VPS54: variants seen among roughly 807,000 people sequenced by gnomAD.
The protein encoded by VPS54 is VPS54 subunit of GARP complex.
A neutral mutation model predicts 121.5 loss-of-function variants in VPS54; 45 were observed. The ratio of observed to expected loss-of-function variants is 0.37; its 90% CI spans 0.29 to 0.47. The LOEUF is 0.47. VPS54 is among the 20% of genes least tolerant of loss of function. The probability of loss-of-function intolerance (pLI) is 0.99; values close to 1 mark genes in which losing one functional copy is unlikely to be tolerated. For missense variants in VPS54, 1,090 were observed against 1,131.4 expected, an observed-to-expected ratio of 0.96 and a Z score of 0.52; for synonymous variants, 371 against 385.8, an observed-to-expected ratio of 0.96 and a Z score of 0.45.
intron 1 of VPS54, among the ~76,000 whole-genome samples, chr2:64,018,723 C>G (rs1319558463): frequency 6.8e-6 from 1 of 147,866 alleles, no homozygotes; most frequent in African/African-American, 2.5e-5. Context: ...CTGCCAGCCC[C>G]GATCCCGGAG....
intron 7 of VPS54, among the ~76,000 whole-genome samples, chr2:63,959,028 G>A (rs957225015): frequency 1.3e-5 from 2 of 152,128 alleles, no homozygotes; most frequent in African/African-American, 4.8e-5. Flanking sequence ...ATAACCTAAT[G>A]CTTATGTTAC....
intron 6 of VPS54, among the ~76,000 whole-genome samples, chr2:63,964,550 C>G (rs1057074256): frequency 6.6e-6 from 1 of 152,138 alleles, no homozygotes; most frequent in African/African-American, 2.4e-5. Context: ...ATGAGCAAGC[C>G]TGTGTCTCTA....
intron 4 of VPS54, among the ~76,000 whole-genome samples, chr2:63,970,962 A>G (rs771379813): frequency 2.0e-5 from 3 of 152,156 alleles, no homozygotes; most frequent in Non-Finnish European, 4.4e-5. Flanking sequence ...CCTGAGCTCC[A>G]GGTTGCCAAA....
intron 6 of VPS54, among the ~76,000 whole-genome samples, chr2:63,963,050 T>C (rs1000521094): frequency 6.6e-6 from 1 of 152,152 alleles, no homozygotes; most frequent in Non-Finnish European, 1.5e-5. Context: ...GTTTCTATTA[T>C]ACCATTCTGC....
At chr2:63,996,686 G>A (rs755772556) in intron 1 of VPS54, among the ~76,000 whole-genome samples, 9 of 152,160 alleles carry the variant, frequency 5.9e-5, no homozygotes, top group East Asian at 1.9e-4. Flanking sequence ...ATTCCCGGCC[G>A]GGGAGGGGGG....
intron 22 of VPS54, 32 bp from the exon 23 acceptor site, chr2:63,893,567 T>C: frequency 6.4e-7 from 1 of 1,563,010 alleles, no homozygotes; most frequent in Non-Finnish European, 8.8e-7. Flanking sequence ...ATTTTTTAAA[T>C]CTCAAACTTT....
chr2:63,966,873 T>C (rs1676026223), intron 5 of VPS54, among the ~76,000 whole-genome samples: 2 of 152,254 alleles, frequency 1.3e-5, no homozygotes, highest in South Asian at 4.1e-4. Context: ...TGCATATCTT[T>C]ACATACATAC....
chr2:63,912,731 C>T (rs145316332), intron 18 of VPS54, 70 bp from the exon 19 acceptor site: 135 of 1,488,078 alleles, frequency 9.1e-5, no homozygotes, highest in Non-Finnish European at 8.9e-5. Flanking sequence ...ATTTTAATTA[C>T]AAATCAAATC....
chr2:64,005,410 GCTT>G (rs1315749699), intron 1 of VPS54, among the ~76,000 whole-genome samples: 2 of 152,080 alleles, frequency 1.3e-5, no homozygotes, highest in African/African-American at 4.8e-5. Flanking sequence ...GCCTACTATT[GCTT>G]CTTAATACGA....
rs898189738 is a variant in VPS54 at position 63,895,419 on chromosome 2, G to A, written c.2829-1884C>T. 1.1e-4 allele frequency among the ~76,000 whole-genome samples: 17 copies of A among 152,056 alleles called. No homozygotes were observed. The East Asian group carries it at 2.7e-3, about 24-fold the overall frequency. On this transcript the variant is annotated intron_variant, in intron 22 of 22. Transcript: ENST00000272322. ...CAGTGAGCTGAGATCACGCCACTGC[G>A]CTCCAGCCTGTGTGACAGAGTGATA...
At chr2:63,904,534 T>G (rs988482895) in intron 20 of VPS54, among the ~76,000 whole-genome samples, 4 of 150,246 alleles carry the variant, frequency 2.7e-5, no homozygotes, top group Non-Finnish European at 4.4e-5. Context: ...CAATAGAACT[T>G]CAAGATACAT....
chr2:63,922,624 T>G (rs1221329019), intron 12 of VPS54, among the ~76,000 whole-genome samples: 1 of 152,170 alleles, frequency 6.6e-6, no homozygotes, highest in African/African-American at 2.4e-5. Context: ...AAGTGACCTA[T>G]CCAAGGTTAG....
intron 5 of VPS54, 64 bp downstream of exon 5, chr2:63,968,893 C>A: frequency 1.4e-6 from 2 of 1,391,948 alleles, no homozygotes; most frequent in South Asian, 1.3e-5. Flanking sequence ...ATGAAATCTG[C>A]TTGTAAGGCA....
chr2:64,015,246 T>C (rs1052385967), intron 1 of VPS54, among the ~76,000 whole-genome samples: 1 of 152,154 alleles, frequency 6.6e-6, no homozygotes, highest in Admixed American at 6.5e-5. Context: ...TTAAGTCTGT[T>C]TTTAGAAAAA....
intron 17 of VPS54, chr2:63,913,946 T>G: frequency 7.7e-7 from 1 of 1,295,888 alleles, no homozygotes; most frequent in Non-Finnish European, 9.8e-7. Flanking sequence ...AATCATCTCC[T>G]GTCTCCAATG....
At chr2:63,913,200 G>C (rs1424389828) in intron 18 of VPS54, 23 bp downstream of exon 18, 1 of 1,591,942 alleles carries the variant, frequency 6.3e-7, no homozygotes, top group Non-Finnish European at 8.6e-7. Context: ...TTCAGCAAGT[G>C]AATTAAACGC....
intron 3 of VPS54, among the ~76,000 whole-genome samples, chr2:63,979,513 T>C (rs542825306): frequency 6.6e-6 from 1 of 152,302 alleles, no homozygotes; most frequent in South Asian, 2.1e-4. Flanking sequence ...AGTGCTGGGA[T>C]TACAGGCATG....
intron 11 of VPS54, among the ~76,000 whole-genome samples, chr2:63,938,778 TAA>T (rs1311256669): frequency 6.6e-6 from 1 of 152,190 alleles, no homozygotes; most frequent in Non-Finnish European, 1.5e-5. Flanking sequence ...AGTTATTATG[TAA>T]TAGGTACAGA....
intron 1 of VPS54, among the ~76,000 whole-genome samples, chr2:63,999,847 C>G (rs537344257): frequency 1.8e-4 from 27 of 152,002 alleles, no homozygotes; most frequent in African/African-American, 5.3e-4. Flanking sequence ...CTAACTCTTT[C>G]TTCTGCTTGA....
Sources: allele counts gnomAD v4.1 joint callset (sites outside exome capture counted in the v4.1 genomes callset), GRCh38; gene constraint gnomAD v4.1.1; transcripts MANE v1.5; gene names NCBI Gene and HGNC (gene_info 2026-07-23, HGNC 2026-07-21).